PAK3: variants seen among roughly 807,000 people sequenced by gnomAD.
PAK3 encodes the protein serine/threonine-protein kinase PAK 3.
A neutral mutation model predicts 41.0 loss-of-function variants in PAK3; 4 were observed. The observed-to-expected ratio is 0.10, with a 90% CI of 0.05 to 0.22. The LOEUF is 0.22. Among genes scored for constraint, PAK3 ranks in the 10% least tolerant of loss-of-function variants. The pLI is 1.00. For missense variants in PAK3, 205 were observed against 409.9 expected, an observed-to-expected ratio of 0.50 and a Z score of 4.32; for synonymous variants, 146 against 139.6, an observed-to-expected ratio of 1.05 and a Z score of -0.32.
rs539739053 is a variant in PAK3 at position 111,158,118 on chromosome X, T to C, written c.469-4797T>C. Among the ~76,000 whole-genome samples the C allele has an allele frequency of 1.4e-4, 16 of 111,940 alleles. No homozygotes were observed. In the South Asian group the frequency reaches 4.1e-3, roughly 28 times the overall value. ...AGGGGATGTCAGGAGGGAATATTTA[T>C]AGGGTTTTAGGGCTTAGACTGTTTG... On this transcript the variant is annotated intron_variant, in intron 8 of 17. Coordinates refer to ENST00000372007, the MANE Select transcript of PAK3 (RefSeq NM_002578.5).
chrX:110,950,381 T>A (rs1433348392), intron 1 of PAK3, among the ~76,000 whole-genome samples: 1 of 112,421 alleles, frequency 8.9e-6, no homozygotes, highest in East Asian at 2.8e-4. Flanking sequence ...GAAGATCTTT[T>A]ATTGCCAGTA....
At chrX:111,178,628 T>C (rs2094431487) in intron 11 of PAK3, among the ~76,000 whole-genome samples, 1 of 110,986 alleles carries the variant, frequency 9.0e-6, no homozygotes, top group South Asian at 3.8e-4. Flanking sequence ...CATATGTTGC[T>C]ATTATATAGA....
At position 111,223,023 on chromosome X, in the gene PAK3, A is replaced by G. The variant is rs868442903; in HGVS notation, c.*2576A>G. ...TATTGGAGAGTTATGTATATTTCTA[A>G]TAAGTATTAGAAAGAAGCTGTTTCT... On this transcript the variant is annotated 3_prime_UTR_variant, in exon 18 of 18. Transcript: ENST00000372007. 1.8e-5 allele frequency: 2 copies of G among 111,750 alleles called. No individual in the cohort carries two copies. The highest frequency in any genetic ancestry group is 3.8e-4 in the South Asian group (1 of 2,619). 9.2% of individuals were successfully genotyped at this position (111,750 alleles called of 1,213,427 possible).
rs151136275 is a variant in PAK3, at chrX:111,045,038, T to C, written c.-27-78039T>C. 5.0e-3 allele frequency among the ~76,000 whole-genome samples: 561 copies of C among 111,940 alleles called. 8 individuals are homozygous for C. Among genetic ancestry groups the C allele is most frequent in the African/African-American group, 0.018 (541 of 30,833 alleles). Reference sequence around the variant, plus strand: ...GAAGCCCAATGGACAGACATCCCAGTTACAGACCTCTCCAGACCTTTTCTC... The same window carrying C: ...GAAGCCCAATGGACAGACATCCCAGCTACAGACCTCTCCAGACCTTTTCTC... On this transcript the variant is annotated intron_variant, in intron 1 of 14. Coordinates refer to the PAK3 transcript ENST00000425146.
At chrX:111,180,930 A>T (rs1230980406) in intron 11 of PAK3, among the ~76,000 whole-genome samples, 1 of 111,863 alleles carries the variant, frequency 8.9e-6, no homozygotes, top group Non-Finnish European at 1.9e-5. Context: ...CTAAAAGTGG[A>T]ATTGTTATGT....
chrX:111,034,841 C>G (rs1391260214), intron 1 of PAK3, among the ~76,000 whole-genome samples: 2 of 110,837 alleles, frequency 1.8e-5, no homozygotes, highest in Non-Finnish European at 3.8e-5. Flanking sequence ...TGGCTCATGC[C>G]TGTAATCCCA....
intron 1 of PAK3, among the ~76,000 whole-genome samples, chrX:110,990,529 G>A (rs1047640918): frequency 1.8e-5 from 2 of 110,542 alleles, no homozygotes; most frequent in Admixed American, 9.7e-5. Context: ...ATTGACCGTA[G>A]AATGAGAGAA....
chrX:111,058,309 G>A (rs1455028868), intron 1 of PAK3, among the ~76,000 whole-genome samples: 1 of 111,412 alleles, frequency 9.0e-6, no homozygotes, highest in Non-Finnish European at 1.9e-5. Context: ...ACGTATGAGG[G>A]TTACAATTTC....
chrX:111,224,255 G>A lies in PAK3; in HGVS notation c.*3808G>A, dbSNP rs1232467268. 2.7e-5 allele frequency: 3 copies of A among 111,686 alleles called. No individual in the cohort carries two copies. The highest frequency in any genetic ancestry group is 5.6e-5 in the Non-Finnish European group (3 of 53,148). The allele number at this position is 111,686 out of a possible 1,213,427, so 9.2% of individuals were successfully genotyped here. A position where few individuals can be genotyped will look rare whatever the true frequency, so the allele number is the denominator to read the frequency against. On this transcript the variant is annotated 3_prime_UTR_variant, in exon 18 of 18. Transcript: ENST00000372007. ...TCTTCTGCTTTAAAACAGGTTGTCT[G>A]CCCTCTGCTTTGGTATGGCATTCGG...
chrX:110,987,673 T>C lies in PAK3; in HGVS notation c.-28+43045T>C, dbSNP rs1287881625. 2.7e-5 allele frequency among the ~76,000 whole-genome samples: 3 copies of C among 112,000 alleles called. No individual in the cohort carries two copies. The East Asian group carries it at 8.4e-4, about 31-fold the overall frequency. Reference sequence around the variant, plus strand: ...CTTTGGAAACAGTAAAAACCTGATATTAGTACAAAATATTTTTATTGTCAT... The same window carrying C: ...CTTTGGAAACAGTAAAAACCTGATACTAGTACAAAATATTTTTATTGTCAT... On this transcript the variant is annotated intron_variant, in intron 1 of 14. Coordinates refer to the PAK3 transcript ENST00000425146.
chrX:111,099,728 C>CA (rs2093087889), intron 3 of PAK3, among the ~76,000 whole-genome samples: 3 of 100,055 alleles, frequency 3.0e-5, no homozygotes, highest in African/African-American at 1.1e-4. Flanking sequence ...CCCCCAAACA[C>CA]ACTGTCCCAG....
intron 1 of PAK3, among the ~76,000 whole-genome samples, chrX:110,944,825 G>T (rs1260756956): frequency 8.9e-6 from 1 of 112,072 alleles, no homozygotes; most frequent in Admixed American, 9.4e-5. Flanking sequence ...GGTTCATGGC[G>T]AGAGAGCACT....
chrX:111,060,038 A>G (rs1018795759), intron 1 of PAK3, among the ~76,000 whole-genome samples: 2 of 111,644 alleles, frequency 1.8e-5, no homozygotes, highest in Non-Finnish European at 3.8e-5. Context: ...TCAGTCTTCC[A>G]TTATTAAGTA....
chrX:111,162,798 A>G lies in PAK3; in HGVS notation c.469-117A>G, dbSNP rs1367565503. On this transcript the variant is annotated intron_variant, in intron 8 of 17. Transcript: ENST00000372007. ...TGTTGATGATTCTGATCATTTGTGA[A>G]AGATGTAGTTTCCTCCTATCCCTAC... is the stretch of plus-strand genomic sequence containing the variant. The G allele has an allele frequency of 4.5e-6, 3 of 669,688 alleles. No individual in the cohort carries two copies. The African/African-American group carries it at 6.5e-5, about 14-fold the overall frequency. 55.2% of individuals were successfully genotyped at this position (669,688 alleles called of 1,213,427 possible). A position where few individuals can be genotyped will look rare whatever the true frequency, so the allele number is the denominator to read the frequency against.
intron 6 of PAK3, among the ~76,000 whole-genome samples, 180 bp from the exon 7 acceptor site, chrX:111,147,557 A>G (rs1337662478): frequency 9.0e-6 from 1 of 111,376 alleles, no homozygotes; most frequent in Non-Finnish European, 1.9e-5. Context: ...ATGTGTTTTA[A>G]TTAGAGAAGA....
intron 8 of PAK3, among the ~76,000 whole-genome samples, chrX:111,159,381 T>C (rs747027351): frequency 1.2e-4 from 13 of 111,762 alleles, no homozygotes; most frequent in Non-Finnish European, 2.1e-4. Flanking sequence ...TGATGATTTA[T>C]TTCTGATGGC....
At chrX:111,035,160 A>AAAGAAAGG (rs2092386523) in intron 1 of PAK3, among the ~76,000 whole-genome samples, 1 of 13,151 alleles carries the variant, frequency 7.6e-5, no homozygotes, top group Non-Finnish European at 5.8e-4. Context: ...AGAAAGGAAG[A>AAAGAAAGG]AAGAAAGAAA....
chrX:111,142,575 C>A (rs2093886716), intron 6 of PAK3, among the ~76,000 whole-genome samples: 1 of 111,888 alleles, frequency 8.9e-6, no homozygotes, highest in Admixed American at 9.5e-5. Flanking sequence ...ATAATTCAGG[C>A]TTTACATTAA....
At chrX:111,030,407 A>G (rs996348497) in intron 1 of PAK3, among the ~76,000 whole-genome samples, 4 of 111,662 alleles carry the variant, frequency 3.6e-5, no homozygotes, top group African/African-American at 1.3e-4. Flanking sequence ...GTTCAACTCA[A>G]CAATTGTTAA....
Sources: gnomAD v4.1 joint callset for allele counts (sites outside exome capture counted in the v4.1 genomes callset) on GRCh38, gnomAD v4.1.1 for gene constraint, MANE v1.5 for transcripts, NCBI Gene and HGNC (gene_info 2026-07-23, HGNC 2026-07-21) for gene names.